PDE1C: variants seen among roughly 807,000 people sequenced by gnomAD.
PDE1C encodes dual specificity calcium/calmodulin-dependent 3',5'-cyclic nucleotide phosphodiesterase 1C.
PDE1C carries 62 observed loss-of-function variants against 93.1 expected under a neutral mutation model. That is an observed-to-expected ratio of 0.67 (90% CI 0.54 to 0.82). PDE1C has a LOEUF of 0.82. PDE1C is among the 40% of genes least tolerant of loss of function. PDE1C has a pLI of 0.00. For missense variants in PDE1C, 742 were observed against 884.6 expected (o/e 0.84, Z 2.04); for synonymous variants, 325 against 310.1 (o/e 1.05, Z -0.50).
rs1367359544 is a variant in PDE1C, at chr7:32,207,496, A to AT, written c.136+1992dup. Among the ~76,000 whole-genome samples, 24 of 152,270 alleles carry AT rather than the reference A, an allele frequency of 1.6e-4. No individual in the cohort carries two copies. In the East Asian group the frequency reaches 3.9e-3, roughly 24 times the overall value. On this transcript the variant is annotated intron_variant, in intron 2 of 18. Transcript: ENST00000396193. ...ATCGGACATTGCTACATTAAAAATA[A>AT]TTTTTTTGCCTTCCTAAAAGTCATC...
the PDE1C span, chr7:31,643,064 C>T: frequency 1.9e-6 from 3 of 1,613,994 alleles, no homozygotes; most frequent in East Asian, 2.2e-5. Flanking sequence ...TATGATCATC[C>T]TCTGGGGTTT....
the PDE1C span, among the ~76,000 whole-genome samples, chr7:31,710,098 G>C: frequency 6.6e-6 from 1 of 152,160 alleles, no homozygotes; most frequent in Non-Finnish European, 1.5e-5. Context: ...GCAGTGAGCT[G>C]TGATTGTGCC....
At chr7:31,786,148 T>C (rs1221934106) in intron 16 of PDE1C, 1 of 152,202 alleles carries the variant, frequency 6.6e-6, no homozygotes, top group Non-Finnish European at 1.5e-5. Context: ...GAGAATCTAT[T>C]TGCTGTAGGA....
intron 1 of PDE1C, among the ~76,000 whole-genome samples, chr7:32,287,180 C>A (rs1331928278): frequency 6.6e-6 from 1 of 152,192 alleles, no homozygotes; most frequent in South Asian, 2.1e-4. Flanking sequence ...CTGATCTTGT[C>A]CCCTCTCCCT....
intron 1 of PDE1C, among the ~76,000 whole-genome samples, chr7:32,307,765 G>A (rs1453142069): frequency 2.0e-5 from 3 of 152,176 alleles, no homozygotes; most frequent in Admixed American, 6.5e-5. Flanking sequence ...CAAGATGGCC[G>A]AATAGGAACA....
At chr7:31,859,318 T>C (rs1445788359) in intron 7 of PDE1C, among the ~76,000 whole-genome samples, 5 of 149,632 alleles carry the variant, frequency 3.3e-5, no homozygotes, top group Non-Finnish European at 5.9e-5. Flanking sequence ...ATTATAGACT[T>C]ATTTATCCTA....
chr7:31,849,076 G>C (rs1792993022), intron 8 of PDE1C, among the ~76,000 whole-genome samples: 1 of 152,168 alleles, frequency 6.6e-6, no homozygotes, highest in African/African-American at 2.4e-5. Flanking sequence ...GAACACATTG[G>C]AATTTTCCCA....
At chr7:32,284,709 C>G (rs112397911) in intron 1 of PDE1C, among the ~76,000 whole-genome samples, 2,428 of 152,292 alleles carry the variant, frequency 0.016, 43 homozygotes, top group South Asian at 0.076. Context: ...ACAAGGCACA[C>G]AGCAGAATCA....
In PDE1C at chr7:32,002,103, T is replaced by C. The variant is rs373579248; in HGVS notation, c.128+49451A>G. Reference sequence around the variant, plus strand: ...ATAGATCTGACTTAGTGCTGAAGACTAAGAGAGACCCCAGTAAAAACTGCA... The same window carrying C: ...ATAGATCTGACTTAGTGCTGAAGACCAAGAGAGACCCCAGTAAAAACTGCA... On this transcript the variant is annotated intron_variant, in intron 2 of 17. Transcript: ENST00000396191. 1.2e-3 allele frequency among the ~76,000 whole-genome samples: 179 copies of C among 152,188 alleles called. 1 individual carries two copies. Among genetic ancestry groups the C allele is most frequent in the African/African-American group, 4.2e-3 (174 of 41,526 alleles).
intron 2 of PDE1C, among the ~76,000 whole-genome samples, chr7:32,031,710 G>A (rs1007638999): frequency 6.6e-6 from 1 of 152,152 alleles, no homozygotes; most frequent in African/African-American, 2.4e-5. Flanking sequence ...TGGATAAATA[G>A]AATCAACAGA....
At chr7:31,721,786 T>TCC in the PDE1C span, among the ~76,000 whole-genome samples, 3 of 152,206 alleles carry the variant, frequency 2.0e-5, no homozygotes, top group Non-Finnish European at 4.4e-5. Context: ...CCAGGCTAAA[T>TCC]GTCCAGCCAC....
At chr7:32,165,169 G>C (rs575446147) in intron 3 of PDE1C, among the ~76,000 whole-genome samples, 1 of 152,310 alleles carries the variant, frequency 6.6e-6, no homozygotes, top group Non-Finnish European at 1.5e-5. Context: ...ACCCATGTTT[G>C]ATCCTATTTA....
At chr7:32,046,216 A>T (rs567381637) in intron 2 of PDE1C, among the ~76,000 whole-genome samples, 2,379 of 142,740 alleles carry the variant, frequency 0.017, 61 homozygotes, top group African/African-American at 0.062. Context: ...TTTTTTTTAA[A>T]AAAAAAAAAG....
intron 2 of PDE1C, among the ~76,000 whole-genome samples, chr7:32,203,206 C>T (rs918088073): frequency 3.3e-5 from 5 of 151,866 alleles, no homozygotes; most frequent in African/African-American, 9.7e-5. Context: ...ATTTCTCAGT[C>T]GTTCCTCCCA....
intron 16 of PDE1C, among the ~76,000 whole-genome samples, chr7:31,807,584 C>T (rs755625513): frequency 7.2e-5 from 11 of 151,864 alleles, no homozygotes; most frequent in Non-Finnish European, 1.3e-4. Context: ...AAATGGCATA[C>T]GAAAAATTTG....
chr7:31,897,870 A>AT (rs910857689), intron 2 of PDE1C, among the ~76,000 whole-genome samples: 1 of 152,030 alleles, frequency 6.6e-6, no homozygotes, highest in Non-Finnish European at 1.5e-5. Flanking sequence ...AAATATATAT[A>AT]TTTTTTCCTT....
At chr7:31,829,282 A>C (rs1790083295) in intron 11 of PDE1C, among the ~76,000 whole-genome samples, 1 of 152,104 alleles carries the variant, frequency 6.6e-6, no homozygotes, top group Non-Finnish European at 1.5e-5. Flanking sequence ...TGAGATAGTA[A>C]TCTCTACCTC....
At chr7:32,391,989 T>A (rs1030172214) in intron 1 of PDE1C, among the ~76,000 whole-genome samples, 2 of 151,812 alleles carry the variant, frequency 1.3e-5, no homozygotes, top group Non-Finnish European at 2.9e-5. Flanking sequence ...GAGCGAAATA[T>A]CCATGAAATA....
chr7:32,194,388 A>G (rs146106429), intron 2 of PDE1C, among the ~76,000 whole-genome samples: 5 of 152,286 alleles, frequency 3.3e-5, no homozygotes, highest in African/African-American at 1.2e-4. Context: ...GTTGAGAAAG[A>G]TCTGTTGATG....
Sources: gnomAD v4.1 joint callset for allele counts (sites outside exome capture counted in the v4.1 genomes callset) on GRCh38, gnomAD v4.1.1 for gene constraint, MANE v1.5 for transcripts, NCBI Gene and HGNC (gene_info 2026-07-23, HGNC 2026-07-21) for gene names.